FHIT: variants seen among roughly 807,000 people sequenced by gnomAD.
FHIT encodes the protein fragile histidine triad diadenosine triphosphatase.
Under a neutral mutation model 17.9 loss-of-function variants are expected in FHIT, and 19 were observed. The observed-to-expected ratio is 1.06, with a 90% CI of 0.74 to 1.56. The LOEUF (loss-of-function observed/expected upper bound fraction) is 1.56, where lower values mean the gene tolerates loss of function less well. Among genes scored for constraint, FHIT ranks in the 40% most tolerant of loss-of-function variants. The pLI is 0.00. For synonymous variants in FHIT, 81 were observed against 69.7 expected (o/e 1.16, Z -0.81); for missense variants, 248 against 189.2 (o/e 1.31, Z -1.82).
intron 4 of FHIT, among the ~76,000 whole-genome samples, chr3:60,697,949 G>A (rs2041151997): frequency 6.6e-6 from 1 of 152,092 alleles, no homozygotes; most frequent in Non-Finnish European, 1.5e-5. Flanking sequence ...CACAGTAAAA[G>A]AAAAGACAAT....
rs547763784 is a variant in FHIT at position 59,879,997 on chromosome 3, A to G, written c.348+42349T>C. On this transcript the variant is annotated intron_variant, in intron 8 of 9. Coordinates refer to ENST00000492590, the MANE Select transcript of FHIT (RefSeq NM_002012.4). ...CCAAGAGAGAAGAGGAGAAGTCCATATGGAAATAGGAGGTAATCAAAGACA... is the reference window on the plus strand; with the variant it reads ...CCAAGAGAGAAGAGGAGAAGTCCATGTGGAAATAGGAGGTAATCAAAGACA... 3.5e-5 allele frequency among the ~76,000 whole-genome samples: 5 copies of G among 144,582 alleles called. No homozygotes were observed. The South Asian group carries it at 1.1e-3, about 32-fold the overall frequency. 94.9% of individuals were successfully genotyped at this position (144,582 alleles called of 152,430 possible). A position where few individuals can be genotyped will look rare whatever the true frequency, so the allele number is the denominator to read the frequency against.
intron 5 of FHIT, among the ~76,000 whole-genome samples, chr3:60,512,286 A>G (rs1253346919): frequency 6.6e-6 from 1 of 152,208 alleles, no homozygotes; most frequent in African/African-American, 2.4e-5. Context: ...TAGTCAACCA[A>G]TCAGTAACAG....
intron 5 of FHIT, among the ~76,000 whole-genome samples, chr3:60,314,162 T>A (rs1709067523): frequency 6.6e-6 from 1 of 152,214 alleles, no homozygotes; most frequent in Non-Finnish European, 1.5e-5. Context: ...AATGCAGCTG[T>A]CCTGCTCTTG....
intron 1 of FHIT, among the ~76,000 whole-genome samples, chr3:61,212,670 C>T (rs371711947): frequency 6.6e-6 from 1 of 152,064 alleles, no homozygotes; most frequent in Non-Finnish European, 1.5e-5. Flanking sequence ...AGATACTCCT[C>T]GAGAAGGGCA....
chr3:61,099,811 CTTT>C (rs2035761207), intron 2 of FHIT, among the ~76,000 whole-genome samples: 1 of 151,764 alleles, frequency 6.6e-6, no homozygotes, highest in Admixed American at 6.6e-5. Flanking sequence ...CTCTTTTCTT[CTTT>C]ATTAGTCTAG....
chr3:59,879,432 T>G (rs1165529631), intron 8 of FHIT, among the ~76,000 whole-genome samples: 1 of 152,178 alleles, frequency 6.6e-6, no homozygotes, highest in East Asian at 1.9e-4. Context: ...ATATAGGATC[T>G]CTGGGGTATG....
At chr3:60,861,173 C>CATA (rs1326715427) in intron 3 of FHIT, among the ~76,000 whole-genome samples, 13 of 1,188 alleles carry the variant, frequency 0.011, no homozygotes, top group Non-Finnish European at 0.029. Flanking sequence ...ATCATATGTT[C>CATA]TATGATATAT....
At chr3:60,039,880 T>C (rs1456189595) in intron 5 of FHIT, among the ~76,000 whole-genome samples, 1 of 152,182 alleles carries the variant, frequency 6.6e-6, no homozygotes, top group African/African-American at 2.4e-5. Context: ...TGTCCTCATC[T>C]GTGAAATGGA....
At chr3:60,323,284 G>A (rs115281679) in intron 5 of FHIT, among the ~76,000 whole-genome samples, 1,901 of 152,080 alleles carry the variant, frequency 0.013, 46 homozygotes, top group African/African-American at 0.044. Context: ...AAGCGTCTAA[G>A]TGCTTGACTA....
intron 8 of FHIT, among the ~76,000 whole-genome samples, chr3:59,914,017 A>C (rs1705011659): frequency 6.6e-6 from 1 of 152,228 alleles, no homozygotes; most frequent in Non-Finnish European, 1.5e-5. Context: ...AGCATTCTAG[A>C]GCAAAACCAT....
intron 5 of FHIT, among the ~76,000 whole-genome samples, chr3:60,299,999 C>T (rs542075383): frequency 1.3e-5 from 2 of 152,172 alleles, no homozygotes; most frequent in East Asian, 3.9e-4. Flanking sequence ...TTTGTCTGTG[C>T]CCTCTGTCAG....
At chr3:60,002,507 C>G (rs1161176198) in intron 7 of FHIT, among the ~76,000 whole-genome samples, 2 of 152,186 alleles carry the variant, frequency 1.3e-5, no homozygotes, top group African/African-American at 2.4e-5. Flanking sequence ...TTTCCCAGCA[C>G]TAACATAATT....
intron 5 of FHIT, among the ~76,000 whole-genome samples, chr3:60,122,790 G>T (rs35345892): frequency 6.6e-6 from 1 of 151,914 alleles, no homozygotes; most frequent in Non-Finnish European, 1.5e-5. Context: ...CCATTTAGAA[G>T]GGAAGAATAA....
chr3:60,270,858 T>C (rs1706825015), intron 5 of FHIT, among the ~76,000 whole-genome samples: 1 of 152,166 alleles, frequency 6.6e-6, no homozygotes, highest in Non-Finnish European at 1.5e-5. Context: ...GAAAGCCATA[T>C]CTGCTGTTAA....
chr3:60,871,515 T>G (rs1348079473), intron 3 of FHIT, among the ~76,000 whole-genome samples: 2 of 152,166 alleles, frequency 1.3e-5, no homozygotes, highest in Non-Finnish European at 2.9e-5. Context: ...GTTTATTAGG[T>G]ATATAATGAT....
chr3:59,935,050 T>A (rs13090091), intron 7 of FHIT, among the ~76,000 whole-genome samples: 11,582 of 152,158 alleles, frequency 0.076, 658 homozygotes, highest in South Asian at 0.12. Flanking sequence ...TCTACTGCCT[T>A]GGGTTATGGA....
chr3:59,951,761 T>A (rs1340487843), intron 7 of FHIT, among the ~76,000 whole-genome samples: 2 of 152,152 alleles, frequency 1.3e-5, no homozygotes, highest in African/African-American at 4.8e-5. Flanking sequence ...AGCCTCTTCA[T>A]TGAGATGTCC....
intron 7 of FHIT, among the ~76,000 whole-genome samples, chr3:59,947,342 G>A (rs1417304139): frequency 2.0e-5 from 3 of 151,968 alleles, no homozygotes; most frequent in South Asian, 4.2e-4. Context: ...TGGTATTTCT[G>A]GGGGGTTGGT....
chr3:60,495,710 A>G (rs1409515501), intron 5 of FHIT, among the ~76,000 whole-genome samples: 1 of 152,162 alleles, frequency 6.6e-6, no homozygotes, highest in Non-Finnish European at 1.5e-5. Context: ...GCCTTTTCCC[A>G]CAGAATTTGA....
Sources: allele counts gnomAD v4.1 joint callset (sites outside exome capture counted in the v4.1 genomes callset), GRCh38; gene constraint gnomAD v4.1.1; transcripts MANE v1.5; gene names NCBI Gene and HGNC (gene_info 2026-07-23, HGNC 2026-07-21).